Variants in NDST4 observed in about 807,000 individuals in gnomAD.
NDST4 encodes N-heparan sulfate sulfotransferase 4.
Under a neutral mutation model 100.8 loss-of-function variants are expected in NDST4, and 63 were observed. The observed-to-expected ratio is 0.62, with a 90% CI of 0.51 to 0.77. NDST4 has a LOEUF of 0.77. NDST4 is among the 30% of genes least tolerant of loss of function. The pLI is 0.00. For missense variants in NDST4, 943 were observed against 1,018.4 expected, an observed-to-expected ratio of 0.93 and a Z score of 1.01; for synonymous variants, 377 against 361.8, an observed-to-expected ratio of 1.04 and a Z score of -0.48.
rs1184415369 is a variant in NDST4 at position 114,905,618 on chromosome 4, T to C, written c.1536+29588A>G. On this transcript the variant is annotated intron_variant, in intron 6 of 13. Coordinates refer to ENST00000264363, the MANE Select transcript of NDST4 (RefSeq NM_022569.3). ...AATGATAATTAATTAACATCTATTT[T>C]GAAGTCTTACTATGTGTAAATAAAC... 2.0e-5 allele frequency among the ~76,000 whole-genome samples: 3 copies of C among 152,080 alleles called. No individual in the cohort carries two copies. In the South Asian group the frequency reaches 6.2e-4, roughly 31 times the overall value.
intron 3 of NDST4, 120 bp downstream of exon 3, chr4:114,977,067 T>A (rs1171718102): frequency 4.5e-6 from 3 of 673,446 alleles, no homozygotes; most frequent in South Asian, 2.1e-5. Context: ...GCTACTCAAA[T>A]AATGTGCCCA....
chr4:115,004,314 T>C (rs1727364457), intron 2 of NDST4, among the ~76,000 whole-genome samples: 1 of 152,202 alleles, frequency 6.6e-6, no homozygotes, highest in African/African-American at 2.4e-5. Flanking sequence ...ATTTGTATCA[T>C]GATTTACCAA....
chr4:114,866,704 A>G (rs1724033622), intron 7 of NDST4, among the ~76,000 whole-genome samples: 1 of 152,164 alleles, frequency 6.6e-6, no homozygotes, highest in African/African-American at 2.4e-5. Context: ...TCTGTGTGGT[A>G]AGTGCAGTAA....
intron 2 of NDST4, among the ~76,000 whole-genome samples, chr4:115,061,970 C>T (rs186052554): frequency 4.0e-5 from 6 of 151,528 alleles, no homozygotes; most frequent in African/African-American, 1.5e-4. Flanking sequence ...GAAAGAATAC[C>T]AGAATAAAAT....
chr4:114,871,475 C>A (rs1258626680), intron 6 of NDST4, among the ~76,000 whole-genome samples: 2 of 152,060 alleles, frequency 1.3e-5, no homozygotes, highest in Admixed American at 1.3e-4. Context: ...AATCCTTTTA[C>A]AACTTTTCAT....
intron 4 of NDST4, among the ~76,000 whole-genome samples, chr4:114,962,174 T>A (rs1415032214): frequency 6.6e-6 from 1 of 152,048 alleles, no homozygotes; most frequent in Non-Finnish European, 1.5e-5. Flanking sequence ...ATAATAGGTA[T>A]CTATGAAAAA....
At chr4:115,015,568 G>C (rs972818608) in intron 2 of NDST4, among the ~76,000 whole-genome samples, 1 of 152,060 alleles carries the variant, frequency 6.6e-6, no homozygotes, top group East Asian at 1.9e-4. Context: ...GAAGAAGTAC[G>C]TGCATAATTC....
At chr4:114,923,422 A>G (rs2126219948) in intron 6 of NDST4, among the ~76,000 whole-genome samples, 1 of 152,310 alleles carries the variant, frequency 6.6e-6, no homozygotes, top group East Asian at 1.9e-4. Context: ...GACATATTGA[A>G]ATATTTAGGT....
intron 2 of NDST4, among the ~76,000 whole-genome samples, chr4:114,984,281 T>C (rs1726849989): frequency 6.6e-6 from 1 of 151,954 alleles, no homozygotes; most frequent in Non-Finnish European, 1.5e-5. Flanking sequence ...CAAGTTCAAC[T>C]GATTCTCCTG....
At chr4:114,999,604 A>G (rs1218313144) in intron 2 of NDST4, among the ~76,000 whole-genome samples, 1 of 152,122 alleles carries the variant, frequency 6.6e-6, no homozygotes, top group Non-Finnish European at 1.5e-5. Context: ...TTGAAGCACA[A>G]TAACTGTAAA....
At chr4:114,937,870 TGTGTAC>T (rs1433475506) in intron 4 of NDST4, among the ~76,000 whole-genome samples, 1 of 144,818 alleles carries the variant, frequency 6.9e-6, no homozygotes, top group Non-Finnish European at 1.5e-5. Flanking sequence ...ATAGAATGCG[TGTGTAC>T]GTGTGTGTGT....
intron 2 of NDST4, among the ~76,000 whole-genome samples, chr4:115,052,624 C>T (rs1354901505): frequency 6.6e-6 from 1 of 152,094 alleles, no homozygotes; most frequent in Non-Finnish European, 1.5e-5. Flanking sequence ...TAAGACGTGA[C>T]TTTTGCTCCT....
intron 2 of NDST4, among the ~76,000 whole-genome samples, chr4:114,998,835 T>C (rs1410122134): frequency 6.6e-6 from 1 of 152,094 alleles, no homozygotes; most frequent in Non-Finnish European, 1.5e-5. Context: ...CTGTAGACCT[T>C]GGGCTTGAAT....
intron 1 of NDST4, among the ~76,000 whole-genome samples, chr4:115,110,450 G>A (rs1729922711): frequency 2.0e-5 from 3 of 151,858 alleles, no homozygotes; most frequent in Admixed American, 6.6e-5. Context: ...AGTTATCTGG[G>A]GGTACGTAAT....
At chr4:114,877,063 A>AACACACACAC (rs113975512) in intron 6 of NDST4, among the ~76,000 whole-genome samples, 9 of 145,728 alleles carry the variant, frequency 6.2e-5, no homozygotes, top group African/African-American at 2.3e-4. Flanking sequence ...AAGTGTTATT[A>AACACACACAC]ACACACACAC....
intron 2 of NDST4, among the ~76,000 whole-genome samples, chr4:115,016,505 A>C (rs28892914): frequency 0.093 from 14,116 of 151,988 alleles, 1,868 homozygotes; most frequent in African/African-American, 0.29. Flanking sequence ...AATACTTCCA[A>C]CAGAAGACCC....
At chr4:114,828,208 G>C (rs1201687615) in intron 13 of NDST4, among the ~76,000 whole-genome samples, 3 of 151,972 alleles carry the variant, frequency 2.0e-5, no homozygotes, top group Non-Finnish European at 2.9e-5. Flanking sequence ...AGTCTACACA[G>C]AAAGAAAAAA....
chr4:114,841,052 A>G (rs938669637), intron 10 of NDST4, among the ~76,000 whole-genome samples: 8 of 152,254 alleles, frequency 5.3e-5, no homozygotes, highest in Admixed American at 4.6e-4. Context: ...CACACTACAT[A>G]CATATTTAAT....
At chr4:115,078,031 A>G (rs866124736) in intron 1 of NDST4, among the ~76,000 whole-genome samples, 32 of 152,352 alleles carry the variant, frequency 2.1e-4, no homozygotes, top group Middle Eastern at 3.4e-3. Context: ...ATTTTTATCC[A>G]AGAATCAGAT....
Sources: allele counts gnomAD v4.1 joint callset (sites outside exome capture counted in the v4.1 genomes callset), GRCh38; gene constraint gnomAD v4.1.1; transcripts MANE v1.5; gene names NCBI Gene and HGNC (gene_info 2026-07-23, HGNC 2026-07-21).